The following UBR4 variants were observed in gnomAD, a reference collection of about 807,000 sequenced individuals.
UBR4 encodes ubiquitin protein ligase E3 component n-recognin 4, also known as E3 ubiquitin-protein ligase UBR4.
In UBR4, 124 loss-of-function variants were observed where a neutral mutation model predicts 575.6. That is an observed-to-expected ratio of 0.22 (90% confidence interval 0.19 to 0.25). The LOEUF is 0.25. Ranked by LOEUF, UBR4 falls within the 10% of genes least tolerant of loss-of-function variation. The pLI, the probability that UBR4 is intolerant of heterozygous loss-of-function variation, is 1.00. For synonymous variants in UBR4, 2,455 were observed against 2,473.7 expected (o/e 0.99, Z 0.22); for missense variants, 4,818 against 6,478.8 (o/e 0.74, Z 8.80).
intron 48 of UBR4, chr1:19,151,331 C>A: frequency 2.2e-6 from 1 of 450,742 alleles, no homozygotes; most frequent in African/African-American, 2.0e-5. Context: ...GAAAGCCTTG[C>A]AATTTCATGT....
intron 1 of UBR4, among the ~76,000 whole-genome samples, chr1:19,208,486 AAAAG>A (rs2093130032): frequency 6.8e-6 from 1 of 147,334 alleles, no homozygotes; most frequent in African/African-American, 2.5e-5. Flanking sequence ...AAAAAAAAAA[AAAAG>A]AGATCTTGCC....
chr1:19,200,991 T>A (rs1454229288), intron 2 of UBR4, among the ~76,000 whole-genome samples: 1 of 152,046 alleles, frequency 6.6e-6, no homozygotes, highest in Non-Finnish European at 1.5e-5. Context: ...AAAATATTAA[T>A]TGGGCTTGGT....
chr1:19,156,462 T>C (rs768465327), intron 41 of UBR4, 39 bp from the exon 42 acceptor site: 15 of 1,601,800 alleles, frequency 9.4e-6, no homozygotes, highest in Admixed American at 1.7e-5. Context: ...GAAAAGATGA[T>C]CTGAAAAGTG....
Position 19,101,657 on chromosome 1 carries a change from G to A in UBR4, c.12902-16C>T. 6.3e-7 allele frequency: 1 copy of A among 1,594,482 alleles called. No individual in the cohort carries two copies. On this transcript the variant is annotated splice_polypyrimidine_tract_variant and intron_variant, in intron 87 of 105. Transcript: ENST00000375254. ...GATTCTGTACCTGCCAGAAATCAAA[G>A]CGGCCAAGTTAGGAAAGAGCCTCTC...
chr1:19,168,249 A>G (rs2088849660), intron 27 of UBR4, 65 bp from the exon 28 acceptor site: 7 of 1,424,462 alleles, frequency 4.9e-6, no homozygotes, highest in Non-Finnish European at 6.6e-6. Context: ...TCTCACATGG[A>G]AAAAAAAACT....
At chr1:19,141,831 C>T in intron 55 of UBR4, 54 bp from the exon 56 acceptor site, 2 of 1,599,640 alleles carry the variant, frequency 1.3e-6, no homozygotes, top group Non-Finnish European at 1.7e-6. Flanking sequence ...TCCCTTGGCA[C>T]ATGGTGCCAT....
intron 71 of UBR4, 147 bp from the exon 72 acceptor site, chr1:19,118,057 G>A: frequency 9.1e-6 from 6 of 658,940 alleles, no homozygotes; most frequent in East Asian, 8.3e-5. Flanking sequence ...CAAGGACACA[G>A]GAGAAATCCC....
chr1:19,157,793 G>T lies in UBR4; in HGVS notation c.5760+22C>A, dbSNP rs187759030. 6 of 1,609,338 alleles carry T rather than the reference G, an allele frequency of 3.7e-6. No homozygotes were observed. Among genetic ancestry groups the T allele is most frequent in the Admixed American group, 1.7e-5 (1 of 59,762 alleles). On this transcript the variant is annotated intron_variant, in intron 40 of 105. Coordinates refer to ENST00000375254, the MANE Select transcript of UBR4 (RefSeq NM_020765.3). This position sits in a 1 kb window ranked among gnomAD's most constrained non-coding sequence, Gnocchi z 4.4. Reference sequence around the variant, plus strand: ...TAAGACAATATGACCTAAAGTAAGCGCACAAGAATTGGAGGACCCACCTTG... The same window carrying T: ...TAAGACAATATGACCTAAAGTAAGCTCACAAGAATTGGAGGACCCACCTTG...
intron 38 of UBR4, 24 bp downstream of exon 38, chr1:19,160,893 C>T (rs1345903448): frequency 6.2e-7 from 1 of 1,609,896 alleles, no homozygotes; most frequent in South Asian, 1.1e-5. Context: ...TGTCTGCTTA[C>T]TAGGGAGCAT....
intron 81 of UBR4, among the ~76,000 whole-genome samples, chr1:19,108,973 C>G (rs548878190): frequency 3.3e-4 from 50 of 152,204 alleles, no homozygotes; most frequent in Non-Finnish European, 6.9e-4. Flanking sequence ...CTCTTCTCAA[C>G]CAAGGGCTGA....
chr1:19,159,568 T>C (rs2086964259), intron 39 of UBR4, among the ~76,000 whole-genome samples: 1 of 151,752 alleles, frequency 6.6e-6, no homozygotes, highest in African/African-American at 2.4e-5. Flanking sequence ...TTCTCTTCAT[T>C]GGCCAAAATG....
intron 69 of UBR4, 107 bp from the exon 70 acceptor site, chr1:19,119,808 GTTTGAACGGT>G: frequency 7.1e-7 from 1 of 1,407,614 alleles, no homozygotes; most frequent in Admixed American, 2.3e-5. Flanking sequence ...TATGGGTTAA[GTTTGAACGGT>G]TTTGTTTCAC....
At chr1:19,144,554 G>A (rs2084574233) in intron 54 of UBR4, among the ~76,000 whole-genome samples, 1 of 152,224 alleles carries the variant, frequency 6.6e-6, no homozygotes, top group Non-Finnish European at 1.5e-5. Flanking sequence ...TATGTAGCAA[G>A]CAGTAGGCTG....
chr1:19,206,809 A>G (rs9426682), intron 1 of UBR4, among the ~76,000 whole-genome samples: 67,057 of 152,042 alleles, frequency 0.44, 15,147 homozygotes, highest in East Asian at 0.61. Flanking sequence ...CATGTTGATC[A>G]ATTCCTCCTC....
At position 19,185,204 on chromosome 1, in the gene UBR4, A is replaced by T. The variant is rs2091401338; in HGVS notation, c.1833T>A (p.Pro611=). 1 of 1,613,704 alleles carries T rather than the reference A, an allele frequency of 6.2e-7. No homozygotes were observed. The highest frequency in any genetic ancestry group is 1.1e-5 in the South Asian group (1 of 91,038). The change falls in exon 15 of 106, where the codon CCT becomes CCA. Residue 611 remains proline (P), a synonymous_variant. Coordinates refer to ENST00000375254, the MANE Select transcript of UBR4 (RefSeq NM_020765.3). ...PSKEKAAPPP[P]PPPPPLESSP... The stretch of plus-strand genomic sequence containing the variant: ...AGCTTTCCAGTGGAGGAGGTGGGGG[A>T]GGAGGCGGAGGTGCTGCTTTCTCTT...
In UBR4 at chr1:19,094,121, C is replaced by T. The variant is rs780551085; in HGVS notation, c.13765G>A (p.Gly4589Ser). 6.2e-7 allele frequency: 1 copy of T among 1,613,618 alleles called. No homozygotes were observed. Among genetic ancestry groups the T allele is most frequent in the Non-Finnish European group, 8.5e-7 (1 of 1,179,816 alleles). ...AGCATCACCAGTTGATCCTTGTCAC[C>T]TGTCAGGAGGAGGTTGCCCTGCAAC... Reference protein sequence around the residue: ...SEDKGNLLLTGDKDQLVMLLD... With the variant: ...SEDKGNLLLTSDKDQLVMLLD... The change falls in exon 95 of 106, where the codon GGT becomes AGT. Residue 4589 changes from glycine (G) to serine (S), a missense_variant. This residue lies in a region of UBR4 where 165 missense variants were observed against 282.3 expected (regional missense o/e 0.58). Transcript: ENST00000375254.
intron 55 of UBR4, among the ~76,000 whole-genome samples, chr1:19,143,259 G>GAAAGA (rs1553178235): frequency 7.6e-5 from 7 of 91,558 alleles, no homozygotes; most frequent in East Asian, 4.4e-4. Flanking sequence ...AGGAAGGAAG[G>GAAAGA]AAGAAAGAAA....
At chr1:19,130,359 T>C (rs1206352150) in intron 60 of UBR4, among the ~76,000 whole-genome samples, 1 of 152,088 alleles carries the variant, frequency 6.6e-6, no homozygotes, top group Non-Finnish European at 1.5e-5. Context: ...TAGCAAGACC[T>C]CATCTCTACA....
chr1:19,084,551 G>A lies in UBR4; in HGVS notation c.14961C>T (p.Ile4987=), dbSNP rs1173783575. ...DTGGGGRESN[I]HLIPYIIHTV... ...TGTGAATGATGTACGGGATCAGGTG[G>A]ATGTTGCTCTCCCGGCCGCCCCCGC... Residue 4987 remains isoleucine (I), a synonymous_variant, in exon 102 of 106, where the codon ATC becomes ATT. Coordinates refer to ENST00000375254, the MANE Select transcript of UBR4 (RefSeq NM_020765.3). The A allele has an allele frequency of 6.2e-7, 1 of 1,614,038 alleles. No homozygotes were observed. The highest frequency in any genetic ancestry group is 1.3e-5 in the African/African-American group (1 of 74,932).
Sources: gnomAD v4.1 joint callset for allele counts (sites outside exome capture counted in the v4.1 genomes callset) on GRCh38, gnomAD v4.1.1 for gene constraint, gnomAD v4.1.1 regional missense constraint, Gnocchi (gnomAD v3.1) non-coding constraint, MANE v1.5 for transcripts, NCBI Gene and HGNC (gene_info 2026-07-23, HGNC 2026-07-21) for gene names.